Variants in ARMH4 observed in about 807,000 individuals in gnomAD.
The protein encoded by ARMH4 is armadillo like helical domain containing 4.
Under a neutral mutation model 61.9 loss-of-function variants are expected in ARMH4, and 49 were observed. The ratio of observed to expected loss-of-function variants is 0.79; its 90% CI spans 0.63 to 1.00. The LOEUF (loss-of-function observed/expected upper bound fraction) is 1.00. ARMH4 is among the 50% of genes least tolerant of loss of function. The pLI, the probability that ARMH4 is intolerant of heterozygous loss-of-function variation, is 0.00. For missense variants in ARMH4, 934 were observed against 930.0 expected (o/e 1.00, Z -0.06); for synonymous variants, 368 against 341.5 (o/e 1.08, Z -0.85).
intron 5 of ARMH4, among the ~76,000 whole-genome samples, chr14:58,015,984 CAT>C (rs1428206010): frequency 8.6e-5 from 13 of 151,286 alleles, no homozygotes; most frequent in Admixed American, 3.9e-4. Flanking sequence ...AATAGACAAA[CAT>C]CACAGTAATT....
intron 5 of ARMH4, among the ~76,000 whole-genome samples, chr14:58,087,867 A>G (rs891249358): frequency 1.3e-5 from 2 of 152,244 alleles, no homozygotes; most frequent in African/African-American, 4.8e-5. Flanking sequence ...ACTGTTCATC[A>G]GAAGTCTCGT....
At chr14:58,093,138 T>A (rs2141258353) in intron 5 of ARMH4, among the ~76,000 whole-genome samples, 1 of 152,294 alleles carries the variant, frequency 6.6e-6, no homozygotes, top group Non-Finnish European at 1.5e-5. Flanking sequence ...AGGAAAGACA[T>A]GTTTGCTTCC....
chr14:58,151,127 A>G (rs1486196161), intron 1 of ARMH4, among the ~76,000 whole-genome samples: 1 of 152,224 alleles, frequency 6.6e-6, no homozygotes, highest in East Asian at 1.9e-4. Context: ...GAAAGAAGGC[A>G]GACACTTTAA....
intron 1 of ARMH4, among the ~76,000 whole-genome samples, chr14:58,143,538 G>A (rs907223544): frequency 6.6e-6 from 1 of 151,998 alleles, no homozygotes; most frequent in Non-Finnish European, 1.5e-5. Context: ...ATCTCGGCTC[G>A]CTGCAACCTC....
chr14:58,081,378 T>C (rs1296325101), intron 5 of ARMH4, among the ~76,000 whole-genome samples: 1 of 152,114 alleles, frequency 6.6e-6, no homozygotes, highest in African/African-American at 2.4e-5. Flanking sequence ...CTCCAAAGGA[T>C]TGTGCTCGCT....
intron 4 of ARMH4, among the ~76,000 whole-genome samples, chr14:58,125,812 C>T (rs893659237): frequency 3.4e-4 from 51 of 152,116 alleles, no homozygotes; most frequent in African/African-American, 1.1e-3. Flanking sequence ...CTGTTGAGAG[C>T]GGGGACTGAG....
intron 4 of ARMH4, among the ~76,000 whole-genome samples, chr14:58,126,023 AG>A (rs1443652364): frequency 6.6e-6 from 1 of 152,172 alleles, no homozygotes; most frequent in African/African-American, 2.4e-5. Context: ...CTGAGACCAC[AG>A]GGGGAGGGAC....
In ARMH4 at chr14:58,133,306, C is replaced by A; in HGVS notation, c.1405G>T (p.Glu469Ter). The change falls in exon 3 of 8, where the codon GAG becomes TAG. Residue 469 changes from glutamate to a stop codon, truncating the protein, a stop_gained. Coordinates refer to ENST00000267485, the MANE Select transcript of ARMH4 (RefSeq NM_001001872.4). LOFTEE classifies it high-confidence loss of function. ...ITQEMTTAVQ[E>*]PDATLSMVTQ... is the part of the protein sequence containing the mutation. ...ACCATGGATAAAGTGGCATCTGGCTCTTGAACAGCTGTTGTCATCTCTTGA... is the reference window on the plus strand; with the variant it reads ...ACCATGGATAAAGTGGCATCTGGCTATTGAACAGCTGTTGTCATCTCTTGA... 1 of 1,613,696 alleles carries A rather than the reference C, an allele frequency of 6.2e-7. No individual in the cohort carries two copies. The highest frequency in any genetic ancestry group is 8.5e-7 in the Non-Finnish European group (1 of 1,180,002).
At chr14:58,149,287 T>C (rs1265541468) in intron 1 of ARMH4, among the ~76,000 whole-genome samples, 3 of 152,190 alleles carry the variant, frequency 2.0e-5, no homozygotes, top group East Asian at 1.9e-4. Flanking sequence ...TGGTCTGTTA[T>C]ATTGGCTTTA....
chr14:58,105,811 T>C (rs1370556292), intron 4 of ARMH4, among the ~76,000 whole-genome samples: 1 of 152,196 alleles, frequency 6.6e-6, no homozygotes, highest in African/African-American at 2.4e-5. Context: ...ATATTTGTTC[T>C]GACAATCTCT....
chr14:58,096,890 G>C lies in ARMH4; in HGVS notation c.1923C>G (p.Asp641Glu), dbSNP rs1885770319. The change falls in exon 5 of 8, where the codon GAC becomes GAG. Residue 641 changes from aspartate to glutamate, a missense_variant. Asp to Glu is a conservative substitution (Grantham distance 45). Coordinates refer to ENST00000267485, the MANE Select transcript of ARMH4 (RefSeq NM_001001872.4). ...CACCATCCAAGCCCTCATCCAGCGA[G>C]TCTGCATCTTTATCTTCCTCATCTT... is the stretch of plus-strand genomic sequence containing the variant. Reference protein sequence around the residue: ...EEEDEEDKDADSLDEGLDGDT... With the variant: ...EEEDEEDKDAESLDEGLDGDT... 5.0e-6 allele frequency: 8 copies of C among 1,614,158 alleles called. No individual in the cohort carries two copies. Among genetic ancestry groups the C allele is most frequent in the Non-Finnish European group, 6.8e-6 (8 of 1,180,032 alleles).
chr14:58,133,515 C>T (rs767290488), intron 2 of ARMH4, among the ~76,000 whole-genome samples, 174 bp from the exon 3 acceptor site: 10 of 152,166 alleles, frequency 6.6e-5, no homozygotes, highest in Middle Eastern at 3.4e-3. Context: ...TTCTCTGTCA[C>T]GCTTTCAGTA....
rs539144233 is a variant in ARMH4, at chr14:58,047,986, T to G, written c.2090-35836A>C. ...AGTCTGAAGCAGAGTGAAGCAGAGCTTAGAAATATTCTCTAAGCAGAACAG... is the reference window on the plus strand; with the variant it reads ...AGTCTGAAGCAGAGTGAAGCAGAGCGTAGAAATATTCTCTAAGCAGAACAG... On this transcript the variant is annotated intron_variant, in intron 5 of 7. Coordinates refer to ENST00000267485, the MANE Select transcript of ARMH4 (RefSeq NM_001001872.4). 3.3e-5 allele frequency among the ~76,000 whole-genome samples: 5 copies of G among 152,196 alleles called. 1 individual carries two copies. Among genetic ancestry groups the G allele is most frequent in the African/African-American group, 1.2e-4 (5 of 41,524 alleles).
chr14:58,064,776 CA>C (rs1884648430), intron 5 of ARMH4, among the ~76,000 whole-genome samples: 1 of 152,154 alleles, frequency 6.6e-6, no homozygotes, highest in South Asian at 2.1e-4. Flanking sequence ...GCAGGGTTAA[CA>C]CTATTTGGGA....
chr14:58,013,330 T>G (rs930572726), intron 5 of ARMH4, among the ~76,000 whole-genome samples: 1 of 152,246 alleles, frequency 6.6e-6, no homozygotes, highest in Non-Finnish European at 1.5e-5. Flanking sequence ...GATATTAAAA[T>G]TTGAATTTCA....
intron 5 of ARMH4, among the ~76,000 whole-genome samples, chr14:58,076,703 T>C (rs1885059827): frequency 6.6e-6 from 1 of 152,098 alleles, no homozygotes; most frequent in South Asian, 2.1e-4. Flanking sequence ...GGAAGAGGGA[T>C]AAAGGTGGTA....
intron 1 of ARMH4, among the ~76,000 whole-genome samples, chr14:58,149,708 C>T (rs773238495): frequency 6.6e-6 from 1 of 152,184 alleles, no homozygotes; most frequent in Admixed American, 6.5e-5. Context: ...AGTTCCAGTT[C>T]TACCTTAGGC....
At chr14:58,117,275 GAAT>G (rs1886562036) in intron 4 of ARMH4, among the ~76,000 whole-genome samples, 2 of 152,224 alleles carry the variant, frequency 1.3e-5, no homozygotes, top group South Asian at 4.1e-4. Context: ...GAGCCATCTG[GAAT>G]AATATCTTTT....
At chr14:58,124,287 T>C (rs1457584905) in intron 4 of ARMH4, among the ~76,000 whole-genome samples, 1 of 152,182 alleles carries the variant, frequency 6.6e-6, no homozygotes, top group Non-Finnish European at 1.5e-5. Context: ...GACTTTTCTT[T>C]ATATGTCATA....
Sources: allele counts gnomAD v4.1 joint callset (sites outside exome capture counted in the v4.1 genomes callset), GRCh38; gene constraint gnomAD v4.1.1; transcripts MANE v1.5; gene names NCBI Gene and HGNC (gene_info 2026-07-23, HGNC 2026-07-21).